The following ENTREP2 variants were observed in gnomAD, a reference collection of about 807,000 sequenced individuals.
ENTREP2 encodes protein ENTREP2.
chr15:29,345,832 C>A, the ENTREP2 span, among the ~76,000 whole-genome samples: 3 of 152,178 alleles, frequency 2.0e-5, no homozygotes, highest in Admixed American at 6.5e-5. Flanking sequence ...TTTACATCCC[C>A]AGGAGTGCAG....
At chr15:29,407,664 C>T in the ENTREP2 span, among the ~76,000 whole-genome samples, 3 of 149,876 alleles carry the variant, frequency 2.0e-5, no homozygotes, top group African/African-American at 7.4e-5. Flanking sequence ...GAGTGGTTTG[C>T]TCCCCATTTT....
chr15:29,276,294 A>C, the ENTREP2 span, among the ~76,000 whole-genome samples: 1 of 152,212 alleles, frequency 6.6e-6, no homozygotes, highest in South Asian at 2.1e-4. Flanking sequence ...ACTTATGAAA[A>C]TCATTAGGGC....
At chr15:29,300,239 AATGG>A in the ENTREP2 span, among the ~76,000 whole-genome samples, 11 of 135,620 alleles carry the variant, frequency 8.1e-5, no homozygotes, top group South Asian at 9.9e-4. Flanking sequence ...TGGATGGAGA[AATGG>A]ATGGATGGAT....
the ENTREP2 span, among the ~76,000 whole-genome samples, chr15:29,385,391 A>G: frequency 2.0e-5 from 3 of 152,202 alleles, no homozygotes. Context: ...AACACGGGTG[A>G]CTTGCTCACT....
chr15:29,400,007 C>T, the ENTREP2 span, among the ~76,000 whole-genome samples: 1 of 152,108 alleles, frequency 6.6e-6, no homozygotes, highest in Non-Finnish European at 1.5e-5. Context: ...GCTGTTTAAA[C>T]GCATGTTGTT....
chr15:29,171,351 G>T, the ENTREP2 span, among the ~76,000 whole-genome samples: 2 of 152,032 alleles, frequency 1.3e-5, no homozygotes, highest in Non-Finnish European at 2.9e-5. Context: ...TTCATATTTC[G>T]AGGAATGCAG....
At chr15:29,489,728 A>G in the ENTREP2 span, among the ~76,000 whole-genome samples, 2 of 152,182 alleles carry the variant, frequency 1.3e-5, no homozygotes, top group African/African-American at 4.8e-5. Context: ...GGAGAACTTA[A>G]CAGCACTCTA....
At chr15:29,523,561 A>ATTTTTTTTTTTTT in the ENTREP2 span, among the ~76,000 whole-genome samples, 1 of 78,482 alleles carries the variant, frequency 1.3e-5, no homozygotes, top group African/African-American at 5.2e-5. Context: ...TCCCAGCTAG[A>ATTTTTTTTTTTTT]TTTTTTTTTT....
chr15:29,585,772 C>T, the ENTREP2 span, among the ~76,000 whole-genome samples: 1 of 149,740 alleles, frequency 6.7e-6, no homozygotes, highest in East Asian at 2.0e-4. Context: ...AGGAGAATGG[C>T]GTGAACCCAG....
At chr15:29,284,433 T>C in the ENTREP2 span, among the ~76,000 whole-genome samples, 4 of 151,776 alleles carry the variant, frequency 2.6e-5, no homozygotes, top group Admixed American at 2.6e-4. Flanking sequence ...GGTGCAGGCC[T>C]GTAATCCCAG....
chr15:29,415,478 T>A, the ENTREP2 span, among the ~76,000 whole-genome samples: 3 of 152,192 alleles, frequency 2.0e-5, no homozygotes, highest in South Asian at 4.1e-4. Flanking sequence ...CTCAATAAAT[T>A]AGGTATTGAT....
the ENTREP2 span, among the ~76,000 whole-genome samples, chr15:29,187,811 G>T: frequency 6.6e-6 from 1 of 152,212 alleles, no homozygotes; most frequent in Non-Finnish European, 1.5e-5. Flanking sequence ...CAGTGAGGAG[G>T]CCAGGTCAGG....
chr15:29,649,936 C>G, the ENTREP2 span, among the ~76,000 whole-genome samples: 11 of 152,052 alleles, frequency 7.2e-5, no homozygotes, highest in East Asian at 2.1e-3. Context: ...GACATTTCCC[C>G]TTGGTAACTA....
the ENTREP2 span, among the ~76,000 whole-genome samples, chr15:29,161,089 G>C: frequency 6.6e-6 from 1 of 152,204 alleles, no homozygotes; most frequent in Non-Finnish European, 1.5e-5. Flanking sequence ...GTTCCGTGCA[G>C]ATCTATGTTG....
the ENTREP2 span, among the ~76,000 whole-genome samples, chr15:29,518,464 T>C: frequency 1.3e-5 from 2 of 152,044 alleles, no homozygotes; most frequent in African/African-American, 4.8e-5. Context: ...AAAATACCAA[T>C]AAATGCACCT....
chr15:29,321,296 G>A, the ENTREP2 span, among the ~76,000 whole-genome samples: 1 of 152,174 alleles, frequency 6.6e-6, no homozygotes, highest in East Asian at 1.9e-4. Flanking sequence ...AGTATTTAAA[G>A]TGATGAAAGA....
chr15:29,130,862 G>A, the ENTREP2 span, among the ~76,000 whole-genome samples: 5 of 152,316 alleles, frequency 3.3e-5, no homozygotes, highest in African/African-American at 4.8e-5. Context: ...AAAGGGTGGG[G>A]AAGAAATATA....
At chr15:29,603,505 G>A in the ENTREP2 span, among the ~76,000 whole-genome samples, 1 of 152,136 alleles carries the variant, frequency 6.6e-6, no homozygotes, top group Non-Finnish European at 1.5e-5. Context: ...GAGCAAGGGG[G>A]CTCTCCCACA....
At chr15:29,372,735 C>T in the ENTREP2 span, among the ~76,000 whole-genome samples, 1 of 152,110 alleles carries the variant, frequency 6.6e-6, no homozygotes, top group Admixed American at 6.5e-5. Flanking sequence ...TATTATAAAG[C>T]TGGACTAGTT....
Sources: gnomAD v4.1 joint callset for allele counts (sites outside exome capture counted in the v4.1 genomes callset) on GRCh38, gnomAD v4.1.1 for gene constraint, MANE v1.5 for transcripts, NCBI Gene and HGNC (gene_info 2026-07-23, HGNC 2026-07-21) for gene names.